Variants in GPC5 observed in about 807,000 individuals in gnomAD.
GPC5 encodes the protein glypican 5.
In GPC5, 47 loss-of-function variants were observed where a neutral mutation model predicts 53.9. The ratio of observed to expected loss-of-function variants is 0.87; its 90% CI spans 0.69 to 1.11. The LOEUF (loss-of-function observed/expected upper bound fraction) is 1.11. Among genes scored for constraint, GPC5 ranks in the 50% most tolerant of loss-of-function variants. The pLI is 0.00. For missense variants in GPC5, 748 were observed against 713.1 expected, an observed-to-expected ratio of 1.05 and a Z score of -0.56; for synonymous variants, 286 against 263.3, an observed-to-expected ratio of 1.09 and a Z score of -0.84.
At chr13:91,710,568 G>T (rs1243415675) in intron 3 of GPC5, among the ~76,000 whole-genome samples, 1 of 152,118 alleles carries the variant, frequency 6.6e-6, no homozygotes, top group African/African-American at 2.4e-5. Context: ...ATAGCTCTGG[G>T]AGTGTTCCCA....
chr13:91,893,944 GT>G (rs200751114), intron 5 of GPC5, among the ~76,000 whole-genome samples: 131 of 140,366 alleles, frequency 9.3e-4, no homozygotes, highest in Middle Eastern at 3.6e-3. Context: ...ATTTTACCAG[GT>G]TTTTTTTTTT....
At chr13:91,478,634 A>G (rs1883079522) in intron 2 of GPC5, among the ~76,000 whole-genome samples, 2 of 150,300 alleles carry the variant, frequency 1.3e-5, no homozygotes, top group African/African-American at 4.9e-5. Context: ...ATTTCCCTTC[A>G]TTTTCTTCTA....
intron 5 of GPC5, among the ~76,000 whole-genome samples, chr13:91,896,150 C>T (rs957652666): frequency 2.8e-5 from 4 of 142,218 alleles, no homozygotes; most frequent in East Asian, 4.1e-4. Context: ...GGCAGAGTCT[C>T]GCTCTATCAT....
In GPC5 at chr13:92,119,390, G is replaced by GTTTTTTTT. The variant is rs386380215; in HGVS notation, c.1402-25422_1402-25415dup. Among the ~76,000 whole-genome samples, 53 of 65,680 alleles carry GTTTTTTTT rather than the reference G, an allele frequency of 8.1e-4. 1 individual carries two copies. The highest frequency in any genetic ancestry group is 1.9e-3 in the East Asian group (4 of 2,080). The allele number at this position is 65,680 out of a possible 152,430, so 43.1% of individuals were successfully genotyped here. A position where few individuals can be genotyped will look rare whatever the true frequency, so the allele number is the denominator to read the frequency against. On this transcript the variant is annotated intron_variant, in intron 6 of 7. Coordinates refer to ENST00000377067, the MANE Select transcript of GPC5 (RefSeq NM_004466.6). The stretch of plus-strand genomic sequence containing the variant: ...TATATACATTCACATTAGGATTTTA[G>GTTTTTTTT]TTTTTTTTTTTTTTTTTTTTTTTTT...
chr13:92,047,015 C>G (rs144481634), intron 6 of GPC5, among the ~76,000 whole-genome samples: 152 of 152,254 alleles, frequency 1.0e-3, no homozygotes, highest in Admixed American at 1.9e-3. Context: ...AGTGATTTCA[C>G]AGAATTTATT....
chr13:92,364,864 A>C (rs2043595985), intron 7 of GPC5, among the ~76,000 whole-genome samples: 1 of 151,842 alleles, frequency 6.6e-6, no homozygotes, highest in African/African-American at 2.4e-5. Context: ...GCTATGAGTC[A>C]ATGTTTCCCT....
At chr13:91,504,731 G>A (rs993054983) in intron 2 of GPC5, among the ~76,000 whole-genome samples, 3 of 152,082 alleles carry the variant, frequency 2.0e-5, no homozygotes, top group African/African-American at 7.2e-5. Flanking sequence ...GCTGAGGGAA[G>A]AAGATTGTTT....
intron 2 of GPC5, among the ~76,000 whole-genome samples, chr13:91,623,006 T>C (rs2033902091): frequency 6.6e-6 from 1 of 152,028 alleles, no homozygotes; most frequent in South Asian, 2.1e-4. Context: ...AACAATATTA[T>C]AATGGATCAG....
chr13:92,780,368 A>C (rs1166188480), intron 7 of GPC5, among the ~76,000 whole-genome samples: 2 of 146,444 alleles, frequency 1.4e-5, no homozygotes, highest in African/African-American at 2.6e-5. Context: ...ATTTCACTTA[A>C]TATAATTAAG....
intron 7 of GPC5, among the ~76,000 whole-genome samples, chr13:92,173,661 C>G (rs115406541): frequency 0.013 from 1,913 of 152,278 alleles, 33 homozygotes; most frequent in African/African-American, 0.044. Context: ...GAGCAAAAAC[C>G]TAGTGTCACT....
intron 7 of GPC5, among the ~76,000 whole-genome samples, chr13:92,186,307 T>A (rs2042183392): frequency 6.6e-6 from 1 of 151,968 alleles, no homozygotes. Flanking sequence ...GAAAAGAACC[T>A]TAATAAGATT....
At chr13:92,150,910 A>C (rs2041902829) in intron 7 of GPC5, among the ~76,000 whole-genome samples, 1 of 151,716 alleles carries the variant, frequency 6.6e-6, no homozygotes, top group Non-Finnish European at 1.5e-5. Context: ...AAAAAAATTC[A>C]AGCAAATATT....
chr13:91,719,266 C>G (rs1458184699), intron 3 of GPC5, among the ~76,000 whole-genome samples: 1 of 152,224 alleles, frequency 6.6e-6, no homozygotes, highest in Non-Finnish European at 1.5e-5. Flanking sequence ...AAAGTCTTGG[C>G]CTGCCTCCAC....
At chr13:92,322,342 G>GA (rs890076606) in intron 7 of GPC5, among the ~76,000 whole-genome samples, 21 of 148,836 alleles carry the variant, frequency 1.4e-4, no homozygotes, top group Non-Finnish European at 1.2e-4. Context: ...AAAATAAAAA[G>GA]AAAAAAAAAT....
chr13:91,548,709 A>G (rs975071503), intron 2 of GPC5, among the ~76,000 whole-genome samples: 1 of 152,226 alleles, frequency 6.6e-6, no homozygotes, highest in Non-Finnish European at 1.5e-5. Flanking sequence ...AAGACTTTCT[A>G]TAAAGCCACA....
chr13:91,587,985 AATG>A (rs1325874570), intron 2 of GPC5, among the ~76,000 whole-genome samples: 13 of 152,190 alleles, frequency 8.5e-5, no homozygotes, highest in African/African-American at 2.9e-4. Flanking sequence ...TGCAGTAAGA[AATG>A]ATGAACAGCT....
intron 2 of GPC5, among the ~76,000 whole-genome samples, chr13:91,478,945 G>T (rs1883153280): frequency 8.0e-6 from 1 of 124,980 alleles, no homozygotes; most frequent in Non-Finnish European, 1.7e-5. Context: ...ATGCAGTCTT[G>T]TTCTGTTACC....
chr13:91,883,216 C>T (rs992694150), intron 5 of GPC5, among the ~76,000 whole-genome samples: 1 of 152,126 alleles, frequency 6.6e-6, no homozygotes, highest in Non-Finnish European at 1.5e-5. Flanking sequence ...GTCCTGCACA[C>T]AGTAAACTTC....
chr13:92,278,880 G>T (rs531084208), intron 7 of GPC5, among the ~76,000 whole-genome samples: 1 of 151,906 alleles, frequency 6.6e-6, no homozygotes. Flanking sequence ...CTATTCCATT[G>T]GTCTATATGT....
Sources: allele counts gnomAD v4.1 joint callset (sites outside exome capture counted in the v4.1 genomes callset), GRCh38; gene constraint gnomAD v4.1.1; transcripts MANE v1.5; gene names NCBI Gene and HGNC (gene_info 2026-07-23, HGNC 2026-07-21).